Variants in PLPPR1 observed in about 807,000 individuals in gnomAD.
The protein encoded by PLPPR1 is phospholipid phosphatase related 1, also known as phospholipid phosphatase-related protein type 1.
A neutral mutation model predicts 33.1 loss-of-function variants in PLPPR1; 10 were observed. The ratio of observed to expected loss-of-function variants is 0.30; its 90% CI spans 0.19 to 0.51. The LOEUF (loss-of-function observed/expected upper bound fraction) is 0.51, where lower values mean the gene tolerates loss of function less well. PLPPR1 is among the 20% of genes least tolerant of loss of function. The probability of loss-of-function intolerance (pLI) is 0.97; values close to 1 mark genes in which losing one functional copy is unlikely to be tolerated. For missense variants in PLPPR1, 304 were observed against 408.1 expected (o/e 0.74, Z 2.20); for synonymous variants, 151 against 151.0 (o/e 1.00, Z 0.00).
chr9:101,093,914 T>A (rs961637071), intron 1 of PLPPR1, among the ~76,000 whole-genome samples: 1 of 152,190 alleles, frequency 6.6e-6, no homozygotes, highest in South Asian at 2.1e-4. Context: ...TCTGAAAGTG[T>A]GATAGGATAC....
chr9:101,055,894 C>T (rs1830273230), intron 1 of PLPPR1, among the ~76,000 whole-genome samples: 1 of 152,190 alleles, frequency 6.6e-6, no homozygotes, highest in African/African-American at 2.4e-5. Context: ...TATAAAGCCA[C>T]TGTTTGCTTG....
intron 2 of PLPPR1, among the ~76,000 whole-genome samples, chr9:101,240,249 G>A (rs1827434804): frequency 6.6e-6 from 1 of 151,890 alleles, no homozygotes; most frequent in Non-Finnish European, 1.5e-5. Flanking sequence ...CATTTCATTG[G>A]TCTGTATGTC....
intron 1 of PLPPR1, among the ~76,000 whole-genome samples, chr9:101,100,018 A>G (rs920495363): frequency 6.6e-6 from 1 of 152,068 alleles, no homozygotes; most frequent in East Asian, 1.9e-4. Context: ...TTGGGAAAAA[A>G]ATGTGGTGGC....
intron 4 of PLPPR1, among the ~76,000 whole-genome samples, chr9:101,298,962 C>T (rs1271227640): frequency 1.3e-5 from 2 of 152,076 alleles, no homozygotes; most frequent in South Asian, 2.1e-4. Flanking sequence ...CAGGGATGAT[C>T]CCAGGGAAAC....
chr9:101,067,551 A>G (rs1310622364), intron 1 of PLPPR1, among the ~76,000 whole-genome samples: 4 of 152,116 alleles, frequency 2.6e-5, no homozygotes, highest in Non-Finnish European at 5.9e-5. Flanking sequence ...GAGGATGAGT[A>G]ACATGAAGCC....
intron 1 of PLPPR1, among the ~76,000 whole-genome samples, chr9:101,124,197 C>T (rs527614725): frequency 3.3e-4 from 51 of 152,246 alleles, no homozygotes; most frequent in Non-Finnish European, 4.3e-4. Flanking sequence ...AAACTGGAGT[C>T]GCTCTGGTTT....
intron 1 of PLPPR1, among the ~76,000 whole-genome samples, chr9:101,098,272 C>T (rs556397406): frequency 2.6e-5 from 4 of 152,086 alleles, no homozygotes; most frequent in Non-Finnish European, 4.4e-5. Flanking sequence ...CAATAGCACT[C>T]GTGGACTTGT....
intron 2 of PLPPR1, among the ~76,000 whole-genome samples, chr9:101,214,740 G>A: frequency 6.6e-6 from 1 of 152,140 alleles, no homozygotes; most frequent in East Asian, 1.9e-4. Flanking sequence ...GCTAAAGGAG[G>A]GGTCAGGTGC....
intron 4 of PLPPR1, among the ~76,000 whole-genome samples, chr9:101,290,729 G>A (rs1034321286): frequency 1.3e-5 from 2 of 152,164 alleles, no homozygotes; most frequent in Non-Finnish European, 2.9e-5. Flanking sequence ...ATGGTATTAA[G>A]AATTTTTCAT....
At chr9:101,145,762 A>G (rs1286717868) in intron 1 of PLPPR1, among the ~76,000 whole-genome samples, 1 of 151,212 alleles carries the variant, frequency 6.6e-6, no homozygotes, top group Non-Finnish European at 1.5e-5. Flanking sequence ...GCTCATGCCT[A>G]CCATCCCAGC....
At chr9:101,196,027 A>C (rs1826387766) in intron 2 of PLPPR1, among the ~76,000 whole-genome samples, 1 of 152,212 alleles carries the variant, frequency 6.6e-6, no homozygotes, top group Admixed American at 6.5e-5. Flanking sequence ...TATTTTGCAC[A>C]GGTAGCTGGT....
Position 101,153,740 on chromosome 9 carries a change from A to AT in PLPPR1, c.-45-31702dup, listed in dbSNP as rs903561078. On this transcript the variant is annotated intron_variant, in intron 1 of 7. Transcript: ENST00000374874. ...CAGGTGCCTGCCACCATGCCTGGCT[A>AT]TTTTTTTTGTATTTTTTTTTTTTTA... 8.7e-5 allele frequency among the ~76,000 whole-genome samples: 11 copies of AT among 126,992 alleles called. No individual in the cohort carries two copies. In the South Asian group the frequency reaches 1.5e-3, roughly 18 times the overall value. 83.3% of individuals were successfully genotyped at this position (126,992 alleles called of 152,430 possible).
At chr9:101,259,019 ATTTAG>A (rs1827850549) in intron 2 of PLPPR1, among the ~76,000 whole-genome samples, 1 of 152,172 alleles carries the variant, frequency 6.6e-6, no homozygotes, top group African/African-American at 2.4e-5. Context: ...TTGTAGCCCA[ATTTAG>A]TTTAAGTTAT....
chr9:101,194,143 A>G (rs16920038), intron 2 of PLPPR1, among the ~76,000 whole-genome samples: 18,882 of 152,202 alleles, frequency 0.12, 1,454 homozygotes, highest in East Asian at 0.31. Flanking sequence ...ATAACTGTTA[A>G]GTAACATTCT....
intron 1 of PLPPR1, among the ~76,000 whole-genome samples, chr9:101,059,799 CA>C (rs1202806674): frequency 2.6e-5 from 4 of 151,890 alleles, no homozygotes; most frequent in African/African-American, 9.7e-5. Flanking sequence ...TGGCAATTAT[CA>C]AAAAGACAAG....
chr9:101,072,048 G>T (rs1427978887), intron 1 of PLPPR1, among the ~76,000 whole-genome samples: 1 of 152,136 alleles, frequency 6.6e-6, no homozygotes, highest in Non-Finnish European at 1.5e-5. Flanking sequence ...CATGATTTCA[G>T]TATGGACAAT....
intron 3 of PLPPR1, among the ~76,000 whole-genome samples, chr9:101,275,557 G>T (rs544909127): frequency 6.6e-6 from 1 of 152,262 alleles, no homozygotes; most frequent in East Asian, 1.9e-4. Flanking sequence ...AAAGAAATCT[G>T]CAGGGTATGT....
intron 2 of PLPPR1, among the ~76,000 whole-genome samples, chr9:101,235,478 T>A (rs1827280491): frequency 1.3e-5 from 2 of 151,884 alleles, no homozygotes; most frequent in Non-Finnish European, 2.9e-5. Context: ...AAAATTTTTT[T>A]AAAACCTCTA....
chr9:101,286,184 C>T lies in PLPPR1; in HGVS notation c.333C>T (p.Thr111=), dbSNP rs761087758. 1.2e-5 allele frequency: 19 copies of T among 1,613,380 alleles called. No individual in the cohort carries two copies. The highest frequency in any genetic ancestry group is 4.0e-5 in the African/African-American group (3 of 74,894). ...TTGCTCAGGAGAAAACAATTCTGAC[C>T]GGAGAATGCTGTTACCTGAACCCCT... ...SLIAQEKTIL[T]GECCYLNPLL... Residue 111 remains threonine (T), a synonymous_variant, in exon 4 of 8, where the codon ACC becomes ACT. Coordinates refer to ENST00000374874, the MANE Select transcript of PLPPR1 (RefSeq NM_207299.2).
Sources: allele counts gnomAD v4.1 joint callset (sites outside exome capture counted in the v4.1 genomes callset), GRCh38; gene constraint gnomAD v4.1.1; transcripts MANE v1.5; gene names NCBI Gene and HGNC (gene_info 2026-07-23, HGNC 2026-07-21).